ADGRG5: variants seen among roughly 807,000 people sequenced by gnomAD.
The protein encoded by ADGRG5 is G protein-coupled receptor 114.
ADGRG5 carries 37 observed loss-of-function variants against 53.2 expected under a neutral mutation model. That is an observed-to-expected ratio of 0.70 (90% confidence interval 0.53 to 0.91). The LOEUF (loss-of-function observed/expected upper bound fraction) is 0.91, where lower values mean the gene tolerates loss of function less well. Among genes scored for constraint, ADGRG5 ranks in the 40% least tolerant of loss-of-function variants. The probability of loss-of-function intolerance (pLI) is 0.00; values close to 1 mark genes in which losing one functional copy is unlikely to be tolerated. For synonymous variants in ADGRG5, 277 were observed against 290.4 expected (o/e 0.95, Z 0.47); for missense variants, 614 against 675.8 (o/e 0.91, Z 1.01).
chr16:57,548,343 T>A (rs776511546), intron 1 of ADGRG5, among the ~76,000 whole-genome samples: 11 of 152,184 alleles, frequency 7.2e-5, no homozygotes, highest in Non-Finnish European at 4.4e-5. Context: ...TAGTAACATC[T>A]TGCATGCCTA....
intron 9 of ADGRG5, among the ~76,000 whole-genome samples, chr16:57,568,839 C>T (rs548432020): frequency 6.6e-6 from 1 of 150,446 alleles, no homozygotes; most frequent in Non-Finnish European, 1.5e-5. Flanking sequence ...CCTCCATCAC[C>T]TCCATCACCA....
At chr16:57,539,044 T>G (rs904285895), upstream of ADGRG5, among the ~76,000 whole-genome samples, 3 of 152,228 alleles carry the variant, frequency 2.0e-5, no homozygotes, top group African/African-American at 7.2e-5. Context: ...TGTAGCATTA[T>G]TCACAATAGC....
intron 1 of ADGRG5, among the ~76,000 whole-genome samples, chr16:57,552,014 A>G (rs1415294309): frequency 7.0e-6 from 1 of 143,506 alleles, no homozygotes; most frequent in Non-Finnish European, 1.5e-5. Flanking sequence ...GAGCAGAAAT[A>G]TTTTGAAATA....
chr16:57,558,084 A>G (rs569993257), intron 1 of ADGRG5, among the ~76,000 whole-genome samples: 1 of 152,366 alleles, frequency 6.6e-6, no homozygotes, highest in African/African-American at 2.4e-5. Context: ...TGGCTGTAGT[A>G]TAGGCCTCAA....
chr16:57,538,743 T>C (rs2032445948), upstream of ADGRG5, among the ~76,000 whole-genome samples: 1 of 152,218 alleles, frequency 6.6e-6, no homozygotes, highest in Non-Finnish European at 1.5e-5. Flanking sequence ...TGTGTCAATA[T>C]TTCCCACACT....
chr16:57,533,401 G>A, the ADGRG5 span, among the ~76,000 whole-genome samples: 2 of 151,842 alleles, frequency 1.3e-5, no homozygotes, highest in South Asian at 2.1e-4. Flanking sequence ...GCCTTGCAAC[G>A]CCTCCCCCTA....
chr16:57,556,266 ATT>A (rs1480376600), intron 1 of ADGRG5, among the ~76,000 whole-genome samples: 1 of 152,196 alleles, frequency 6.6e-6, no homozygotes, highest in African/African-American at 2.4e-5. Context: ...CAGTCAGACA[ATT>A]TTTGCCTTTT....
chr16:57,552,901 C>T (rs1055286691), intron 1 of ADGRG5, among the ~76,000 whole-genome samples: 1 of 152,056 alleles, frequency 6.6e-6, no homozygotes, highest in East Asian at 1.9e-4. Context: ...TAGAGTTATT[C>T]ATTGTTCTGA....
At chr16:57,564,096 C>T in intron 5 of ADGRG5, 117 bp downstream of exon 5, 1 of 1,137,096 alleles carries the variant, frequency 8.8e-7, no homozygotes, top group Non-Finnish European at 1.3e-6. Context: ...ACCAACCAGC[C>T]ATCTGTGCAA....
At chr16:57,541,225 AG>A (rs2032484369), upstream of ADGRG5, among the ~76,000 whole-genome samples, 1 of 152,180 alleles carries the variant, frequency 6.6e-6, no homozygotes, top group Non-Finnish European at 1.5e-5. Flanking sequence ...CCCAGGCTAG[AG>A]GGGCTATGGG....
At chr16:57,538,025 TTGGAGGTGGAAA>T (rs1311832696), upstream of ADGRG5, among the ~76,000 whole-genome samples, 1 of 152,090 alleles carries the variant, frequency 6.6e-6, no homozygotes, top group Admixed American at 6.5e-5. Context: ...CCCAGAGTTT[TTGGAGGTGGAAA>T]TGGGGCTGGG....
chr16:57,565,235 C>A, intron 6 of ADGRG5, 85 bp downstream of exon 6: 1 of 716,012 alleles, frequency 1.4e-6, no homozygotes, highest in Non-Finnish European at 2.4e-6. Context: ...TAGACCCAAA[C>A]CTGTGGAACC....
intron 1 of ADGRG5, among the ~76,000 whole-genome samples, chr16:57,554,034 A>G (rs551250370): frequency 2.6e-5 from 4 of 152,318 alleles, no homozygotes; most frequent in Admixed American, 6.5e-5. Flanking sequence ...TACAAATTCA[A>G]TTCCTTTAAT....
chr16:57,564,964 C>A, intron 5 of ADGRG5, 70 bp from the exon 6 acceptor site: 2 of 830,248 alleles, frequency 2.4e-6, no homozygotes. Context: ...TCCAGGGAAG[C>A]GGAGCTCAGA....
At chr16:57,558,148 AT>A (rs1186025881) in intron 1 of ADGRG5, among the ~76,000 whole-genome samples, 2 of 152,186 alleles carry the variant, frequency 1.3e-5, no homozygotes, top group African/African-American at 4.8e-5. Flanking sequence ...TTATCTGTTT[AT>A]TTAGAGATGG....
upstream of ADGRG5, chr16:57,542,345 G>A (rs2032503696): frequency 6.6e-6 from 1 of 152,226 alleles, no homozygotes; most frequent in African/African-American, 2.4e-5. Context: ...GCAGAGCTCA[G>A]GTGGGTCTTG....
chr16:57,536,697 C>A, the ADGRG5 span: 1 of 152,248 alleles, frequency 6.6e-6, no homozygotes, highest in South Asian at 2.1e-4. Flanking sequence ...GTGACCCCGG[C>A]CCACCGAGCT....
intron 8 of ADGRG5, 110 bp downstream of exon 8, chr16:57,567,701 C>A: frequency 1.4e-6 from 2 of 1,462,398 alleles, no homozygotes; most frequent in Non-Finnish European, 1.9e-6. Flanking sequence ...GGGTGGGGAC[C>A]AGGAGGCGGG....
chr16:57,532,607 C>G, the ADGRG5 span, among the ~76,000 whole-genome samples: 1 of 152,150 alleles, frequency 6.6e-6, no homozygotes, highest in Non-Finnish European at 1.5e-5. Flanking sequence ...TGCCTGTAGA[C>G]ACAGACACGC....
Sources: gnomAD v4.1 joint callset for allele counts (sites outside exome capture counted in the v4.1 genomes callset) on GRCh38, gnomAD v4.1.1 for gene constraint, MANE v1.5 for transcripts, NCBI Gene and HGNC (gene_info 2026-07-23, HGNC 2026-07-21) for gene names.